LAMB4: variants seen among roughly 807,000 people sequenced by gnomAD.
LAMB4 encodes the protein laminin subunit beta 4.
Under a neutral mutation model 199.2 loss-of-function variants are expected in LAMB4, and 196 were observed. That is an observed-to-expected ratio of 0.98 (90% confidence interval 0.88 to 1.11). The LOEUF is 1.11. LAMB4 is among the 50% of genes least tolerant of loss of function. The pLI, the probability that LAMB4 is intolerant of heterozygous loss-of-function variation, is 0.00. For missense variants in LAMB4, 2,080 were observed against 2,171.2 expected (o/e 0.96, Z 0.83); for synonymous variants, 744 against 770.6 (o/e 0.97, Z 0.57).
At chr7:108,071,071 C>A (rs1010504292) in intron 17 of LAMB4, among the ~76,000 whole-genome samples, 6 of 152,130 alleles carry the variant, frequency 3.9e-5, no homozygotes, top group African/African-American at 1.2e-4. Flanking sequence ...AACTCTTCTG[C>A]ATATTATGTT....
chr7:108,094,860 T>A (rs1187923780), intron 12 of LAMB4, among the ~76,000 whole-genome samples: 1 of 152,066 alleles, frequency 6.6e-6, no homozygotes, highest in East Asian at 1.9e-4. Flanking sequence ...GTAGGGATGA[T>A]AAGGGGATTG....
intron 31 of LAMB4, among the ~76,000 whole-genome samples, chr7:108,033,266 G>C (rs926954271): frequency 5.3e-5 from 8 of 152,166 alleles, no homozygotes; most frequent in African/African-American, 1.9e-4. Flanking sequence ...AATACAGCCT[G>C]TGGTCATGTT....
At chr7:108,049,225 A>G in intron 27 of LAMB4, 101 bp downstream of exon 27, 1 of 370,578 alleles carries the variant, frequency 2.7e-6, no homozygotes, top group South Asian at 8.7e-5. Flanking sequence ...ATATATAATG[A>G]AAAAGAAATT....
the LAMB4 span, among the ~76,000 whole-genome samples, chr7:108,017,390 C>G: frequency 3.9e-5 from 6 of 152,112 alleles, no homozygotes; most frequent in African/African-American, 9.7e-5. Flanking sequence ...TTTTCTGGCT[C>G]TCTTCCAAGG....
Position 108,066,062 on chromosome 7 carries a change from T to C in LAMB4, c.2679-143A>G, listed in dbSNP as rs201413594. 5.4e-5 allele frequency: 43 copies of C among 790,256 alleles called. No individual in the cohort carries two copies. The East Asian group carries it at 8.3e-4, about 15-fold the overall frequency. 49.0% of individuals were successfully genotyped at this position (790,256 alleles called of 1,614,324 possible). ...GTTCATTTGCTCTGCAAAACGACTT[T>C]TGGTTTTTATATCAAAAGTCTCAAC... On this transcript the variant is annotated intron_variant, in intron 20 of 33. Transcript: ENST00000388781.
At chr7:108,067,637 T>C (rs368248234) in intron 19 of LAMB4, among the ~76,000 whole-genome samples, 1 of 152,196 alleles carries the variant, frequency 6.6e-6, no homozygotes, top group African/African-American at 2.4e-5. Flanking sequence ...AATCTTATCA[T>C]TGTTTTAGCC....
chr7:108,050,435 T>C (rs1474271434), intron 26 of LAMB4, among the ~76,000 whole-genome samples: 1 of 152,154 alleles, frequency 6.6e-6, no homozygotes, highest in African/African-American at 2.4e-5. Flanking sequence ...GAATCCAGGG[T>C]GTTTGACTCC....
Position 108,098,904 on chromosome 7 carries a change from C to T in LAMB4, c.1181-322G>A, listed in dbSNP as rs79423601. 2.3e-3 allele frequency among the ~76,000 whole-genome samples: 356 copies of T among 152,166 alleles called. 2 individuals are homozygous for T. The highest frequency in any genetic ancestry group is 7.7e-3 in the African/African-American group (318 of 41,510). On this transcript the variant is annotated intron_variant, in intron 10 of 33. Transcript: ENST00000388781. The stretch of plus-strand genomic sequence containing the variant: ...CTGATTCTTCTGGGGATGATGAGAA[C>T]GTTTTGGAATTAGGTAGATGGGATG...
chr7:108,066,664 A>G (rs2036354353), intron 19 of LAMB4, 64 bp from the exon 20 acceptor site: 1 of 1,075,972 alleles, frequency 9.3e-7, no homozygotes, highest in Admixed American at 2.0e-5. Flanking sequence ...TGAAAGAGTT[A>G]CAGTTCTGGT....
intron 2 of LAMB4, among the ~76,000 whole-genome samples, chr7:108,120,523 A>G (rs2038561805): frequency 1.3e-5 from 2 of 152,232 alleles, no homozygotes; most frequent in Admixed American, 1.3e-4. Flanking sequence ...TGAGATAGCT[A>G]TGTGAAGAAA....
Position 108,104,578 on chromosome 7 carries a change from C to T in LAMB4, c.912G>A (p.Pro304=), listed in dbSNP as rs758239260. Residue 304 remains proline, a synonymous_variant, in exon 9 of 34, where the codon CCG becomes CCA. Coordinates refer to ENST00000388781, the MANE Select transcript of LAMB4 (RefSeq NM_007356.3). The part of the protein sequence containing the change: ...QCVCQHNTDG[P]NCERCKDFFQ... ...AGAAGTCCTTGCATCTCTCACAGTT[C>T]GGACCATCTGTATTGTGCTGACACA... The T allele has an allele frequency of 2.2e-5, 36 of 1,614,070 alleles. No homozygotes were observed. The highest frequency in any genetic ancestry group is 3.3e-4 in the Middle Eastern group (2 of 6,084).
intron 17 of LAMB4, chr7:108,075,497 T>C (rs2036666870): frequency 6.6e-6 from 1 of 152,198 alleles, no homozygotes; most frequent in Admixed American, 6.5e-5. Context: ...GTTTGCCAAT[T>C]AAGTAATGAT....
rs779269924 is a variant in LAMB4 at position 108,065,873 on chromosome 7, G to A, written c.2725C>T (p.Arg909Cys). ...YGNPSSGQPCRPCLCPDDPSS... is the reference protein window; with the variant it reads ...YGNPSSGQPCCPCLCPDDPSS... ...GGATCATCTGGACACAGGCAAGGACGACAGGGCTGTCCTGAAGAAGGATTT... is the reference window on the plus strand; with the variant it reads ...GGATCATCTGGACACAGGCAAGGACAACAGGGCTGTCCTGAAGAAGGATTT... Residue 909 changes from arginine to cysteine, a missense_variant, in exon 21 of 34, where the codon CGT (arginine) becomes TGT (cysteine). By Grantham distance (180) the Arg-to-Cys change is radical. Coordinates refer to ENST00000388781, the MANE Select transcript of LAMB4 (RefSeq NM_007356.3). The A allele has an allele frequency of 1.2e-5, 20 of 1,613,912 alleles. No homozygotes were observed. The highest frequency in any genetic ancestry group is 3.3e-5 in the Admixed American group (2 of 59,996).
the LAMB4 span, among the ~76,000 whole-genome samples, chr7:108,015,409 GA>G: frequency 1.3e-5 from 2 of 152,168 alleles, no homozygotes; most frequent in Admixed American, 6.5e-5. Flanking sequence ...ATCCTTTCTA[GA>G]AAGTTCGCAG....
chr7:108,111,715 A>T lies in LAMB4; in HGVS notation c.328+96T>A, dbSNP rs997733664. On this transcript the variant is annotated intron_variant, in intron 4 of 33. Coordinates refer to ENST00000388781, the MANE Select transcript of LAMB4 (RefSeq NM_007356.3). ...GAGGATACTGTTCCATTCCAATATAATACTTTGCTGTGACATTATTAAAAC... is the reference window on the plus strand; with the variant it reads ...GAGGATACTGTTCCATTCCAATATATTACTTTGCTGTGACATTATTAAAAC... 8 of 1,070,918 alleles carry T rather than the reference A, an allele frequency of 7.5e-6. No homozygotes were observed. The Admixed American group carries it at 1.6e-4, about 22-fold the overall frequency. The allele number at this position is 1,070,918 out of a possible 1,614,324, so 66.3% of individuals were successfully genotyped here.
intron 31 of LAMB4, among the ~76,000 whole-genome samples, chr7:108,031,764 A>G (rs1273469494): frequency 3.3e-5 from 5 of 152,200 alleles, no homozygotes; most frequent in African/African-American, 1.2e-4. Context: ...AAAGCATTCC[A>G]TTGTTTGAAC....
At chr7:108,035,605 A>C (rs1316021047) in intron 30 of LAMB4, among the ~76,000 whole-genome samples, 190 of 3,334 alleles carry the variant, frequency 0.057, 1 homozygote, top group African/African-American at 0.078. Flanking sequence ...AGAGAGTACC[A>C]AAAAAAAAAA....
At chr7:108,014,176 G>A in the LAMB4 span, among the ~76,000 whole-genome samples, 6 of 152,168 alleles carry the variant, frequency 3.9e-5, no homozygotes, top group East Asian at 1.2e-3. Flanking sequence ...TCTTGTGGAT[G>A]TATTTTCAGT....
chr7:108,127,426 C>G (rs1221026937), intron 1 of LAMB4, among the ~76,000 whole-genome samples: 2 of 152,118 alleles, frequency 1.3e-5, no homozygotes, highest in Non-Finnish European at 2.9e-5. Context: ...TCTCATCAAG[C>G]CTATTTGATC....
Sources: gnomAD v4.1 joint callset for allele counts (sites outside exome capture counted in the v4.1 genomes callset) on GRCh38, gnomAD v4.1.1 for gene constraint, MANE v1.5 for transcripts, NCBI Gene and HGNC (gene_info 2026-07-23, HGNC 2026-07-21) for gene names.